CYLD: variants seen among roughly 807,000 people sequenced by gnomAD.
The protein encoded by CYLD is CYLD lysine 63 deubiquitinase, also known as ubiquitin carboxyl-terminal hydrolase CYLD.
CYLD carries 26 observed loss-of-function variants against 104.5 expected under a neutral mutation model. The observed-to-expected ratio is 0.25, with a 90% CI of 0.18 to 0.35. CYLD has a LOEUF of 0.35. Among genes scored for constraint, CYLD ranks in the 10% least tolerant of loss-of-function variants. The pLI is 1.00. For synonymous variants in CYLD, 385 were observed against 399.9 expected, an observed-to-expected ratio of 0.96 and a Z score of 0.45; for missense variants, 703 against 1,136.1, an observed-to-expected ratio of 0.62 and a Z score of 5.48.
chr16:50,754,618 C>T (rs1966845447), intron 5 of CYLD, among the ~76,000 whole-genome samples, 194 bp downstream of exon 5: 1 of 151,112 alleles, frequency 6.6e-6, no homozygotes, highest in Admixed American at 6.6e-5. Flanking sequence ...GTCTTTTACC[C>T]CTTGCCACCC....
At chr16:50,757,622 C>T (rs1470648281) in intron 5 of CYLD, among the ~76,000 whole-genome samples, 3 of 151,898 alleles carry the variant, frequency 2.0e-5, no homozygotes, top group Admixed American at 6.6e-5. Context: ...CTGCAAGCTC[C>T]GACTCCTGGG....
At chr16:50,754,620 T>C (rs556617703) in intron 5 of CYLD, among the ~76,000 whole-genome samples, 196 bp downstream of exon 5, 1 of 151,468 alleles carries the variant, frequency 6.6e-6, no homozygotes, top group East Asian at 1.9e-4. Flanking sequence ...CTTTTACCCC[T>C]TGCCACCCCC....
intron 12 of CYLD, chr16:50,786,596 C>A (rs1010574209): frequency 2.2e-5 from 8 of 370,234 alleles, no homozygotes; most frequent in Non-Finnish European, 4.0e-5. Context: ...CCTGTTTCTA[C>A]TAAAAATACA....
intron 5 of CYLD, among the ~76,000 whole-genome samples, chr16:50,754,968 C>T (rs1260789391): frequency 1.4e-5 from 2 of 138,524 alleles, no homozygotes; most frequent in African/African-American, 2.7e-5. Flanking sequence ...CATATACACA[C>T]ATATATGTAT....
At chr16:50,763,561 A>G (rs182338520) in intron 5 of CYLD, among the ~76,000 whole-genome samples, 72 of 152,306 alleles carry the variant, frequency 4.7e-4, no homozygotes, top group African/African-American at 1.6e-3. Flanking sequence ...TATTCTAGCC[A>G]TCCTAGTGGG....
In CYLD at chr16:50,775,246, A is replaced by G. The variant is rs183212890; in HGVS notation, c.922+72A>G. The G allele has an allele frequency of 1.4e-5, 16 of 1,153,862 alleles. No homozygotes were observed. The Admixed American group carries it at 2.5e-4, about 18-fold the overall frequency. The allele number at this position is 1,153,862 out of a possible 1,614,324, so 71.5% of individuals were successfully genotyped here. ...ATTTTTCAAAGGAAGAACTTTTCACACTGCCTCTTCTACATTCCCTTGATC... is the reference window on the plus strand; with the variant it reads ...ATTTTTCAAAGGAAGAACTTTTCACGCTGCCTCTTCTACATTCCCTTGATC... On this transcript the variant is annotated intron_variant, in intron 6 of 18. Transcript: ENST00000427738.
Position 50,742,095 on chromosome 16 carries a change from G to C in CYLD, c.-233G>C, listed in dbSNP as rs930850332. The C allele has an allele frequency of 2.0e-5, 3 of 152,488 alleles. No homozygotes were observed. Among genetic ancestry groups the C allele is most frequent in the Non-Finnish European group, 4.4e-5 (3 of 68,302 alleles). 9.4% of individuals were successfully genotyped at this position (152,488 alleles called of 1,614,324 possible). ...AGGTGGGGGCGGGCCCAGGTAGCAG[G>C]TTTGGCTGCGCGGGGGCCGCGCGTC... On this transcript the variant is annotated 5_prime_UTR_variant, in exon 1 of 19. Transcript: ENST00000427738.
intron 10 of CYLD, among the ~76,000 whole-genome samples, chr16:50,782,042 G>C (rs558629948): frequency 1.2e-4 from 19 of 152,262 alleles, no homozygotes; most frequent in African/African-American, 4.6e-4. Context: ...CAGATAAATA[G>C]TGAAATATTT....
intron 15 of CYLD, 21 bp downstream of exon 15, chr16:50,791,711 G>A: frequency 6.2e-7 from 1 of 1,612,842 alleles, no homozygotes; most frequent in Non-Finnish European, 8.5e-7. Context: ...CTCACCTGTG[G>A]TATTTTATGT....
At chr16:50,742,381 C>G (rs1443147610) in intron 1 of CYLD, 1 of 160,102 alleles carries the variant, frequency 6.2e-6, no homozygotes, top group South Asian at 2.0e-4. Context: ...GTTGCCGAGC[C>G]CGCTGACGTC....
Position 50,797,425 on chromosome 16 carries a change from AG to A in CYLD, c.*918del, listed in dbSNP as rs1311640038. The A allele has an allele frequency of 4.3e-6, 1 of 232,268 alleles. No individual in the cohort carries two copies. Among genetic ancestry groups the A allele is most frequent in the Non-Finnish European group, 8.5e-6 (1 of 117,518 alleles). The allele number at this position is 232,268 out of a possible 1,614,324, so 14.4% of individuals were successfully genotyped here. ...ATTTAAACCTCTATTATTTTAGACA[AG>A]ACTGTCTAGAACTTAAGTTTGATCT... On this transcript the variant is annotated 3_prime_UTR_variant, in exon 19 of 19. Transcript: ENST00000427738.
intron 2 of CYLD, among the ~76,000 whole-genome samples, chr16:50,747,955 C>A (rs570315144): frequency 6.6e-6 from 1 of 152,154 alleles, no homozygotes; most frequent in Non-Finnish European, 1.5e-5. Flanking sequence ...CTTTTAGGAA[C>A]GTTACCATTA....
At chr16:50,742,188 G>C (rs919564740) in intron 1 of CYLD, 64 bp downstream of exon 1, 2 of 151,878 alleles carry the variant, frequency 1.3e-5, no homozygotes, top group Admixed American at 1.3e-4. Flanking sequence ...TGGGGAGCCG[G>C]GGCGAGGGGC....
intron 11 of CYLD, chr16:50,784,095 T>G: frequency 6.5e-6 from 3 of 460,978 alleles, no homozygotes; most frequent in Middle Eastern, 6.4e-4. Flanking sequence ...AATCTGCCGT[T>G]TGCTTTCTCA....
chr16:50,784,357 A>T lies in CYLD; in HGVS notation c.1855A>T (p.Thr619Ser). Residue 619 changes from threonine to serine, a missense_variant, in exon 12 of 19, where the codon ACT becomes TCT. Thr to Ser is a moderately conservative substitution (Grantham distance 58, BLOSUM62 1). This residue lies in a region of CYLD where 125 missense variants were observed against 325.4 expected (regional missense o/e 0.38). Coordinates refer to ENST00000427738, the MANE Select transcript of CYLD (RefSeq NM_001378743.1). ...CLFAFSSVLDTVLLRPKEKND... is the reference protein window; with the variant it reads ...CLFAFSSVLDSVLLRPKEKND... The stretch of plus-strand genomic sequence containing the variant: ...ATTTGCTTTTAGTTCTGTTCTGGAC[A>T]CTGTGTTACTTAGACCCAAAGAAAA... 1.9e-6 allele frequency: 3 copies of T among 1,613,512 alleles called. No individual in the cohort carries two copies. Among genetic ancestry groups the T allele is most frequent in the Non-Finnish European group, 2.5e-6 (3 of 1,179,644 alleles).
At position 50,781,418 on chromosome 16, in the gene CYLD, G is replaced by A; in HGVS notation, c.1684+7G>A. 1.2e-6 allele frequency: 2 copies of A among 1,613,084 alleles called. No individual in the cohort carries two copies. The highest frequency in any genetic ancestry group is 1.7e-6 in the Non-Finnish European group (2 of 1,179,762). ...GAGCGCTGTAACTCTTTAGGTATTT[G>A]GATGCTTTTTGTTTACTTAACAACC... On this transcript the variant is annotated splice_region_variant and intron_variant, in intron 10 of 18. Transcript: ENST00000427738.
chr16:50,776,070 A>T, intron 6 of CYLD, 109 bp from the exon 7 acceptor site: 1 of 790,290 alleles, frequency 1.3e-6, no homozygotes, highest in Non-Finnish European at 2.2e-6. Flanking sequence ...AAAACTAAAA[A>T]TTCTGCCTTT....
At chr16:50,793,356 G>A (rs1323117694) in intron 16 of CYLD, among the ~76,000 whole-genome samples, 190 bp from the exon 17 acceptor site, 1 of 152,046 alleles carries the variant, frequency 6.6e-6, no homozygotes, top group African/African-American at 2.4e-5. Context: ...AAACTATTTG[G>A]TCCAAAAAAA....
intron 5 of CYLD, among the ~76,000 whole-genome samples, chr16:50,770,220 C>A (rs940136235): frequency 6.6e-6 from 1 of 152,152 alleles, no homozygotes; most frequent in African/African-American, 2.4e-5. Flanking sequence ...AACCGCTAAA[C>A]TGTTTTCCAG....
Sources: allele counts gnomAD v4.1 joint callset (sites outside exome capture counted in the v4.1 genomes callset), GRCh38; gene constraint gnomAD v4.1.1; regional missense constraint gnomAD v4.1.1; transcripts MANE v1.5; gene names NCBI Gene and HGNC (gene_info 2026-07-23, HGNC 2026-07-21).